The following ST7 variants were observed in gnomAD, a reference collection of about 807,000 sequenced individuals.
ST7 encodes suppressor of tumorigenicity 7 protein.
In ST7, 28 loss-of-function variants were observed where a neutral mutation model predicts 78.7. That is an observed-to-expected ratio of 0.36 (90% CI 0.26 to 0.49). ST7 has a LOEUF of 0.49. ST7 is among the 20% of genes least tolerant of loss of function. The pLI, the probability that ST7 is intolerant of heterozygous loss-of-function variation, is 0.99. For missense variants in ST7, 418 were observed against 696.0 expected (o/e 0.60, Z 4.49); for synonymous variants, 247 against 249.6 (o/e 0.99, Z 0.10).
intron 1 of ST7, chr7:116,966,247 CTTTTTTTTTTTTTT>C (rs374887005): frequency 5.8e-6 from 1 of 172,674 alleles, no homozygotes; most frequent in East Asian, 1.9e-4. Context: ...TTTTTTCTTT[CTTTTTTTTTTTTTT>C]TTTTTTAAGA....
chr7:117,122,082 T>C (rs1803427718), intron 3 of ST7, among the ~76,000 whole-genome samples: 1 of 152,184 alleles, frequency 6.6e-6, no homozygotes, highest in African/African-American at 2.4e-5. Flanking sequence ...CAGAGAAGGC[T>C]TCCCAGGAGG....
chr7:117,210,472 G>A (rs1792190152), intron 13 of ST7, among the ~76,000 whole-genome samples: 1 of 152,188 alleles, frequency 6.6e-6, no homozygotes, highest in Non-Finnish European at 1.5e-5. Flanking sequence ...GATAAATGCT[G>A]GGTAGATGAA....
At chr7:116,956,688 G>C in intron 1 of ST7, 1 of 468,646 alleles carries the variant, frequency 2.1e-6, no homozygotes, top group South Asian at 1.6e-5. Context: ...TTGACCATCT[G>C]TGACAATTTT....
intron 1 of ST7, among the ~76,000 whole-genome samples, chr7:117,018,168 G>C (rs930796303): frequency 2.0e-5 from 3 of 152,112 alleles, no homozygotes; most frequent in Admixed American, 6.6e-5. Flanking sequence ...CTCTAACCCA[G>C]GGGCCATTTT....
chr7:117,070,309 C>G (rs1798860894), intron 1 of ST7, among the ~76,000 whole-genome samples: 1 of 152,122 alleles, frequency 6.6e-6, no homozygotes, highest in Non-Finnish European at 1.5e-5. Flanking sequence ...TCTTCAGGCC[C>G]ATTTCTCATC....
chr7:117,011,314 G>A (rs1584444518), intron 1 of ST7, among the ~76,000 whole-genome samples: 1 of 152,292 alleles, frequency 6.6e-6, no homozygotes, highest in Non-Finnish European at 1.5e-5. Context: ...CTCCTTTGAG[G>A]AGGGGCTGTT....
chr7:116,976,978 C>T (rs1793735957), intron 1 of ST7, among the ~76,000 whole-genome samples: 1 of 152,132 alleles, frequency 6.6e-6, no homozygotes, highest in Non-Finnish European at 1.5e-5. Context: ...GTTTTAGCCT[C>T]CACTCTAAAG....
chr7:117,099,525 T>C (rs1405867218), intron 1 of ST7, among the ~76,000 whole-genome samples: 1 of 152,170 alleles, frequency 6.6e-6, no homozygotes, highest in African/African-American at 2.4e-5. Context: ...GAGTTAGAAA[T>C]TACAAGTACT....
chr7:117,087,756 A>G (rs1273263955), intron 1 of ST7, among the ~76,000 whole-genome samples: 1 of 152,138 alleles, frequency 6.6e-6, no homozygotes, highest in Non-Finnish European at 1.5e-5. Flanking sequence ...CACTTCACCA[A>G]CATGCCCAGA....
intron 2 of ST7, among the ~76,000 whole-genome samples, chr7:117,118,195 T>C (rs1223355555): frequency 6.6e-6 from 1 of 152,208 alleles, no homozygotes; most frequent in South Asian, 2.1e-4. Flanking sequence ...GAAGTGCTCA[T>C]AGGAGCATTT....
chr7:117,102,294 A>G (rs943623825), intron 2 of ST7, among the ~76,000 whole-genome samples: 2 of 152,234 alleles, frequency 1.3e-5, no homozygotes, highest in South Asian at 2.1e-4. Flanking sequence ...GCTTCAGAGA[A>G]CAATCACCTC....
At chr7:116,975,567 C>T (rs1330389523) in intron 1 of ST7, among the ~76,000 whole-genome samples, 2 of 152,022 alleles carry the variant, frequency 1.3e-5, no homozygotes, top group African/African-American at 4.8e-5. Flanking sequence ...GGCTCCACAC[C>T]TGGCTCATTT....
chr7:117,148,852 G>A (rs1806016599), intron 9 of ST7, among the ~76,000 whole-genome samples: 1 of 152,140 alleles, frequency 6.6e-6, no homozygotes, highest in Non-Finnish European at 1.5e-5. Context: ...AGTTTCTGCT[G>A]GGCTGGCAGG....
intron 12 of ST7, among the ~76,000 whole-genome samples, chr7:117,196,852 T>C (rs77532575): frequency 0.03 from 4,514 of 152,198 alleles, 82 homozygotes; most frequent in Non-Finnish European, 0.045. Flanking sequence ...GTGTCATATC[T>C]AAGAAATCAT....
At chr7:117,024,481 A>G (rs1796093770) in intron 1 of ST7, among the ~76,000 whole-genome samples, 1 of 152,220 alleles carries the variant, frequency 6.6e-6, no homozygotes, top group African/African-American at 2.4e-5. Context: ...CTAACACGTT[A>G]ATGCATCTTC....
At chr7:116,962,850 C>A (rs1420906527) in intron 1 of ST7, among the ~76,000 whole-genome samples, 1 of 152,164 alleles carries the variant, frequency 6.6e-6, no homozygotes, top group African/African-American at 2.4e-5. Context: ...AGTTGACTTT[C>A]TCTCTTCCTA....
At chr7:117,106,003 T>TG (rs1350315627) in intron 2 of ST7, among the ~76,000 whole-genome samples, 1 of 151,734 alleles carries the variant, frequency 6.6e-6, no homozygotes, top group African/African-American at 2.4e-5. Flanking sequence ...TTTTTGTTTT[T>TG]TTTTTTGAGA....
chr7:117,205,428 A>G (rs1791660370), intron 12 of ST7, among the ~76,000 whole-genome samples: 1 of 152,164 alleles, frequency 6.6e-6, no homozygotes, highest in Admixed American at 6.6e-5. Flanking sequence ...AATGATTTTC[A>G]TATGACTTAT....
chr7:117,143,037 C>T (rs567572083), intron 9 of ST7, among the ~76,000 whole-genome samples: 43 of 152,092 alleles, frequency 2.8e-4, no homozygotes, highest in Non-Finnish European at 5.7e-4. Context: ...AAATGAGATT[C>T]CCTGAAGATC....
Sources: allele counts gnomAD v4.1 joint callset (sites outside exome capture counted in the v4.1 genomes callset), GRCh38; gene constraint gnomAD v4.1.1; transcripts MANE v1.5; gene names NCBI Gene and HGNC (gene_info 2026-07-23, HGNC 2026-07-21).